ELAC2: variants seen among roughly 807,000 people sequenced by gnomAD.
ELAC2 encodes zinc phosphodiesterase ELAC protein 2.
In ELAC2, 92 loss-of-function variants were observed where a neutral mutation model predicts 105.2. The observed-to-expected ratio is 0.87, with a 90% CI of 0.74 to 1.04. The LOEUF is 1.04. Among genes scored for constraint, ELAC2 ranks in the 50% least tolerant of loss-of-function variants. The pLI is 0.00. For missense variants in ELAC2, 1,099 were observed against 1,071.7 expected, an observed-to-expected ratio of 1.03 and a Z score of -0.36; for synonymous variants, 468 against 409.1, an observed-to-expected ratio of 1.14 and a Z score of -1.74.
rs1003043105 is a variant in ELAC2, at chr17:13,017,929, G to C, written c.19C>G (p.Leu7Val). ...GTGCGTCCGGCCGCGGACCGCAGCA[G>C]CGAGCAAAGCGCCCACATGCGCCCG... MWALCSLLRSAAGRTMS... is the reference protein window; with the variant it reads MWALCSVLRSAAGRTMS... The change falls in exon 1 of 24, where the codon CTG becomes GTG. Residue 7 changes from leucine to valine, a missense_variant. By Grantham distance (32) the Leu-to-Val change is conservative. Transcript: ENST00000338034. 9.1e-6 allele frequency: 14 copies of C among 1,538,726 alleles called. No individual in the cohort carries two copies. The South Asian group carries it at 1.2e-4, about 13-fold the overall frequency.
rs2041838312 is a variant in ELAC2, at chr17:13,017,842, G to A, written c.106C>T (p.Pro36Ser). Residue 36 changes from proline (P) to serine (S), a missense_variant, in exon 1 of 24, where the codon CCG becomes TCG. By Grantham distance (74) the Pro-to-Ser change is moderately conservative (BLOSUM62 -1). Coordinates refer to ENST00000338034, the MANE Select transcript of ELAC2 (RefSeq NM_018127.7). ...PARRERPRKD[P>S]LRHLRTREKR... ...TCTCGCGTGCGCAGGTGCCGCAGCGGGTCCTTGCGCGGCCGCTCGCGGCGG... is the reference window on the plus strand; with the variant it reads ...TCTCGCGTGCGCAGGTGCCGCAGCGAGTCCTTGCGCGGCCGCTCGCGGCGG... 1 of 1,579,196 alleles carries A rather than the reference G, an allele frequency of 6.3e-7. No homozygotes were observed.
chr17:12,993,588 A>G, intron 23 of ELAC2, 99 bp downstream of exon 23: 1 of 1,578,284 alleles, frequency 6.3e-7, no homozygotes, highest in South Asian at 1.1e-5. Flanking sequence ...CGGTGGCCCC[A>G]AATAAGAAAG....
chr17:12,994,145 C>T (rs569188670), intron 22 of ELAC2, among the ~76,000 whole-genome samples: 153 of 152,320 alleles, frequency 1.0e-3, no homozygotes, highest in Non-Finnish European at 1.9e-3. Flanking sequence ...CCCCAGCCCC[C>T]GCCTTCCCCT....
At chr17:13,012,332 CAG>C (rs1311415698) in intron 6 of ELAC2, among the ~76,000 whole-genome samples, 1 of 152,188 alleles carries the variant, frequency 6.6e-6, no homozygotes, top group African/African-American at 2.4e-5. Flanking sequence ...GAGCGAAGAA[CAG>C]GGTGCTGGAA....
chr17:13,005,351 C>T (rs2041042409), intron 10 of ELAC2, among the ~76,000 whole-genome samples: 1 of 152,212 alleles, frequency 6.6e-6, no homozygotes, highest in Non-Finnish European at 1.5e-5. Context: ...TTAAGGTTTT[C>T]TTCAGTCTGT....
chr17:12,994,207 T>G (rs1472764549), intron 22 of ELAC2, among the ~76,000 whole-genome samples: 2 of 152,162 alleles, frequency 1.3e-5, no homozygotes, highest in Admixed American at 1.3e-4. Context: ...CTAGATGCTT[T>G]CAAAAAACTG....
intron 7 of ELAC2, among the ~76,000 whole-genome samples, chr17:13,011,015 A>C (rs1050102207): frequency 1.3e-5 from 2 of 152,222 alleles, no homozygotes; most frequent in Admixed American, 1.3e-4. Context: ...AAATAACACA[A>C]AAGTTCAAAG....
At position 13,002,581 on chromosome 17, in the gene ELAC2, T is replaced by C; in HGVS notation, c.1080-2A>G. On this transcript the variant is annotated splice_acceptor_variant, in intron 12 of 23. Transcript: ENST00000338034. LOFTEE classifies it high-confidence loss of function. ...AAGTGCTGGGTGTCAGGCCCAAACC[T>C]GTGAAGAAACAGACCCGGCATTTGC... 6.3e-7 allele frequency: 1 copy of C among 1,598,090 alleles called. No homozygotes were observed. The highest frequency in any genetic ancestry group is 1.3e-5 in the African/African-American group (1 of 74,756).
At chr17:13,013,825 T>C (rs1259878521) in intron 5 of ELAC2, among the ~76,000 whole-genome samples, 2 of 152,040 alleles carry the variant, frequency 1.3e-5, no homozygotes, top group Non-Finnish European at 2.9e-5. Context: ...GGAACCCTTG[T>C]CACCCCCGCC....
intron 11 of ELAC2, among the ~76,000 whole-genome samples, chr17:13,004,535 T>C (rs2041003066): frequency 6.6e-6 from 1 of 152,166 alleles, no homozygotes; most frequent in African/African-American, 2.4e-5. Flanking sequence ...GAGTGGCAGT[T>C]AGCCCAAAAG....
chr17:13,002,293 G>C lies in ELAC2; in HGVS notation c.1285C>G (p.Pro429Ala), dbSNP rs2040852156. The C allele has an allele frequency of 6.2e-7, 1 of 1,614,088 alleles. No homozygotes were observed. The highest frequency in any genetic ancestry group is 8.5e-7 in the Non-Finnish European group (1 of 1,180,050). ...ACAGACCTCTGCCACTCCCTCCTGG[G>C]ACGGAGCTGGTACTTGAGGAGGCAT... ...GECLLKYQLR[P>A]RREWQRDAII... is the part of the protein sequence containing the mutation. Residue 429 changes from proline to alanine, a missense_variant, in exon 14 of 24, where the codon CCC becomes GCC. Coordinates refer to ENST00000338034, the MANE Select transcript of ELAC2 (RefSeq NM_018127.7).
intron 5 of ELAC2, among the ~76,000 whole-genome samples, chr17:13,014,049 T>C (rs2041580310): frequency 6.6e-6 from 1 of 152,072 alleles, no homozygotes; most frequent in East Asian, 1.9e-4. Context: ...GGTAGCTCAT[T>C]TTGGGAGGCT....
rs760183452 is a variant in ELAC2, at chr17:12,999,908, C to T, written c.1423+248G>A. ...TCCCGACCTCGCGATCCACCTGCCTCGGCCTCCCGAAGTGCTGGGATTACA... is the reference window on the plus strand; with the variant it reads ...TCCCGACCTCGCGATCCACCTGCCTTGGCCTCCCGAAGTGCTGGGATTACA... On this transcript the variant is annotated intron_variant, in intron 15 of 23. Coordinates refer to ENST00000338034, the MANE Select transcript of ELAC2 (RefSeq NM_018127.7). Among the ~76,000 whole-genome samples, 23 of 152,214 alleles carry T rather than the reference C, an allele frequency of 1.5e-4. 1 individual carries two copies. Among genetic ancestry groups the T allele is most frequent in the South Asian group, 2.1e-4 (1 of 4,836 alleles).
In ELAC2 at chr17:13,017,877, T is replaced by G; in HGVS notation, c.71A>C (p.Gln24Pro). 1 of 1,546,514 alleles carries G rather than the reference T, an allele frequency of 6.5e-7. No homozygotes were observed. The highest frequency in any genetic ancestry group is 1.2e-5 in the South Asian group (1 of 84,630). The part of the protein sequence containing the change: ...RTMSQGRTIS[Q>P]APARRERPRK... ...CGGCCGCTCGCGGCGGGCGGGTGCC[T>G]GCGATATGGTGCGTCCCTGCGACAT... The change falls in exon 1 of 24, where the codon CAG (glutamine) becomes CCG (proline). Residue 24 changes from glutamine (Q) to proline (P), a missense_variant. Physicochemically the swap from Gln to Pro is moderately conservative, Grantham distance 76. Transcript: ENST00000338034.
chr17:13,016,220 A>T (rs1411921000), intron 3 of ELAC2, among the ~76,000 whole-genome samples: 8 of 152,220 alleles, frequency 5.3e-5, no homozygotes, highest in African/African-American at 1.9e-4. Flanking sequence ...CTGCAACACA[A>T]TCCTGACCTT....
Position 13,017,083 on chromosome 17 carries a change from A to G in ELAC2, c.284T>C (p.Met95Thr), listed in dbSNP as rs761342092. ...GAGACTGACTCACTTGTGCTCCTGC[A>G]TGAGTCTCTGAACGCCTTCTCCACA... ...FNCGEGVQRL[M>T]QEHKLKVARL... is the part of the protein sequence containing the mutation. The change falls in exon 2 of 24, where the codon ATG becomes ACG. Residue 95 changes from methionine to threonine, a missense_variant. Transcript: ENST00000338034. The G allele has an allele frequency of 2.5e-6, 4 of 1,614,134 alleles. No homozygotes were observed. The highest frequency in any genetic ancestry group is 1.7e-6 in the Non-Finnish European group (2 of 1,180,006).
intron 15 of ELAC2, 117 bp downstream of exon 15, chr17:13,000,039 G>A: frequency 2.3e-6 from 2 of 888,266 alleles, no homozygotes; most frequent in Non-Finnish European, 3.7e-6. Context: ...AGAAGCCCTG[G>A]ATTAGACTGA....
At chr17:12,996,184 G>A in intron 17 of ELAC2, 2 of 688,314 alleles carry the variant, frequency 2.9e-6, no homozygotes, top group Non-Finnish European at 5.0e-6. Context: ...GACCCGTGCT[G>A]GGAAGAGGGC....
intron 18 of ELAC2, 39 bp downstream of exon 18, chr17:12,995,901 C>A: frequency 6.3e-7 from 1 of 1,587,062 alleles, no homozygotes; most frequent in East Asian, 2.3e-5. Context: ...GATGTGTAAA[C>A]CGCTGAAACT....
Sources: gnomAD v4.1 joint callset for allele counts (sites outside exome capture counted in the v4.1 genomes callset) on GRCh38, gnomAD v4.1.1 for gene constraint, MANE v1.5 for transcripts, NCBI Gene and HGNC (gene_info 2026-07-23, HGNC 2026-07-21) for gene names.